DNAJA4: variants seen among roughly 807,000 people sequenced by gnomAD.
DNAJA4 encodes the protein dnaJ homolog subfamily A member 4.
In DNAJA4, 32 loss-of-function variants were observed where a neutral mutation model predicts 39.7. The observed-to-expected ratio is 0.81, with a 90% CI of 0.61 to 1.08. The LOEUF (loss-of-function observed/expected upper bound fraction) is 1.08. Among genes scored for constraint, DNAJA4 ranks in the 50% least tolerant of loss-of-function variants. The pLI, the probability that DNAJA4 is intolerant of heterozygous loss-of-function variation, is 0.00. For missense variants in DNAJA4, 439 were observed against 505.1 expected (o/e 0.87, Z 1.25); for synonymous variants, 184 against 182.4 (o/e 1.01, Z -0.07).
chr15:78,280,340 C>T lies in DNAJA4; in HGVS notation c.1074C>T (p.Asp358=). Residue 358 remains aspartate (D), a synonymous_variant, in exon 7 of 7, where the codon GAC becomes GAT. Transcript: ENST00000394852. ...PPRQKVRITD[D]MDQVELKEFC... ...GACAGAAAGTGAGGATTACAGATGA[C>T]ATGGATCAGGTGGAGCTGAAGGAGT... The T allele has an allele frequency of 6.2e-7, 1 of 1,614,198 alleles. No homozygotes were observed. The highest frequency in any genetic ancestry group is 1.7e-5 in the Admixed American group (1 of 60,026).
intron 5 of DNAJA4, chr15:78,277,720 G>T (rs545375594): frequency 9.4e-6 from 3 of 318,648 alleles, no homozygotes; most frequent in African/African-American, 6.5e-5. Flanking sequence ...GCCCCACCAA[G>T]AGCCAGCGTT....
chr15:78,265,435 A>T (rs2049094348), intron 1 of DNAJA4: 1 of 701,136 alleles, frequency 1.4e-6, no homozygotes, highest in African/African-American at 1.7e-5. Flanking sequence ...TGCCTACCTG[A>T]TAAAAGCGTC....
At chr15:78,267,743 C>T (rs996629650) in intron 1 of DNAJA4, among the ~76,000 whole-genome samples, 1 of 152,200 alleles carries the variant, frequency 6.6e-6, no homozygotes, top group Non-Finnish European at 1.5e-5. Context: ...TGCTTCTTTC[C>T]AAGCTTTCCC....
upstream of DNAJA4, chr15:78,264,197 A>C: frequency 1.5e-6 from 1 of 684,122 alleles, no homozygotes; most frequent in Non-Finnish European, 2.1e-6. Flanking sequence ...CAGGCCGCCT[A>C]CTCTCCAGCC....
rs1297195323 is a variant in DNAJA4 at position 78,274,221 on chromosome 15, TGGA to T, written c.445_447del (p.Glu149del). 2 of 1,613,818 alleles carry T rather than the reference TGGA, an allele frequency of 1.2e-6. No homozygotes were observed. The highest frequency in any genetic ancestry group is 1.3e-5 in the African/African-American group (1 of 74,924). ...GGTGTTGGTGGGAAGAAGGGATCGG[TGGA>T]GAAGTGCCCGCTGTGCAAGGGGCGG... On this transcript the variant is annotated inframe_deletion, in exon 4 of 7. Transcript: ENST00000394852.
chr15:78,265,569 A>G, intron 1 of DNAJA4: 1 of 702,396 alleles, frequency 1.4e-6, no homozygotes, highest in Non-Finnish European at 2.6e-6. Flanking sequence ...ATAAGTACCA[A>G]TCATAGACTG....
intron 1 of DNAJA4, among the ~76,000 whole-genome samples, chr15:78,269,767 C>T (rs1332510207): frequency 1.3e-5 from 2 of 150,796 alleles, no homozygotes; most frequent in African/African-American, 4.9e-5. Context: ...TCGTTTTTTT[C>T]TATCTTTTAA....
At position 78,281,547 on chromosome 15, in the gene DNAJA4, T is replaced by C. The variant is rs1279228250; in HGVS notation, c.*1087T>C. 5.9e-5 allele frequency: 9 copies of C among 152,382 alleles called. No individual in the cohort carries two copies. The highest frequency in any genetic ancestry group is 7.3e-5 in the Non-Finnish European group (5 of 68,038). The allele number at this position is 152,382 out of a possible 1,614,324, so 9.4% of individuals were successfully genotyped here. A position where few individuals can be genotyped will look rare whatever the true frequency, so the allele number is the denominator to read the frequency against. On this transcript the variant is annotated 3_prime_UTR_variant, in exon 7 of 7. Transcript: ENST00000394852. ...GTTCCACTGTGGATTACAGTTTGTATGGACTACTACTGTAAATTATAGCTT... is the reference window on the plus strand; with the variant it reads ...GTTCCACTGTGGATTACAGTTTGTACGGACTACTACTGTAAATTATAGCTT...
rs1229834980 is a variant in DNAJA4 at position 78,279,881 on chromosome 15, G to A, written c.878-164G>A. On this transcript the variant is annotated intron_variant, in intron 5 of 6. Transcript: ENST00000394852. This position sits in a 1 kb window ranked among gnomAD's most constrained non-coding sequence, Gnocchi z 4.5. ...TGAGCCCCTTCCCCAGGCAGTACCTGACAAGGATACCTGGGATTGGGGCCA... is the reference window on the plus strand; with the variant it reads ...TGAGCCCCTTCCCCAGGCAGTACCTAACAAGGATACCTGGGATTGGGGCCA... The A allele has an allele frequency of 3.1e-6, 2 of 640,400 alleles. No individual in the cohort carries two copies. The highest frequency in any genetic ancestry group is 2.7e-6 in the Non-Finnish European group (1 of 369,040). The allele number at this position is 640,400 out of a possible 1,614,324, so 39.7% of individuals were successfully genotyped here. A position where few individuals can be genotyped will look rare whatever the true frequency, so the allele number is the denominator to read the frequency against.
intron 1 of DNAJA4, chr15:78,265,885 C>T: frequency 1.7e-6 from 1 of 594,680 alleles, no homozygotes; most frequent in Admixed American, 3.0e-5. Flanking sequence ...CCTGTGGAAA[C>T]GACGCTGGAA....
At chr15:78,274,984 C>A (rs1173147005) in intron 4 of DNAJA4, 6 of 173,360 alleles carry the variant, frequency 3.5e-5, no homozygotes, top group South Asian at 1.4e-4. Context: ...GCTTTCCAAT[C>A]CAGTAAATAT....
At chr15:78,269,009 A>AG (rs2049221529) in intron 1 of DNAJA4, among the ~76,000 whole-genome samples, 1 of 152,176 alleles carries the variant, frequency 6.6e-6, no homozygotes, top group African/African-American at 2.4e-5. Context: ...ATGAGTCGGG[A>AG]GGCCGCACCA....
At chr15:78,265,551 A>T (rs1421332027) in intron 1 of DNAJA4, 5 of 702,394 alleles carry the variant, frequency 7.1e-6, no homozygotes, top group Non-Finnish European at 1.0e-5. Flanking sequence ...AGTGACACAC[A>T]GTTGATCATA....
chr15:78,273,317 A>G, intron 3 of DNAJA4, 118 bp downstream of exon 3: 1 of 701,008 alleles, frequency 1.4e-6, no homozygotes, highest in Non-Finnish European at 2.5e-6. Context: ...GGTCAAGCAG[A>G]GATTACAAAC....
rs780015959 is a variant in DNAJA4 at position 78,270,649 on chromosome 15, T to C, written c.285T>C (p.Gly95=). ...ACATCTTTGACATGTTCTTTGGTGG[T>C]GGTGGACGGATGGCTAGAGAGAGAA... ...PMDIFDMFFG[G]GGRMARERRG... Residue 95 remains glycine (G), a synonymous_variant, in exon 2 of 7, where the codon GGT becomes GGC. Transcript: ENST00000394852. The C allele has an allele frequency of 6.2e-7, 1 of 1,614,058 alleles. No homozygotes were observed. Among genetic ancestry groups the C allele is most frequent in the Admixed American group, 1.7e-5 (1 of 59,986 alleles).
At chr15:78,269,478 A>G (rs919584973) in intron 1 of DNAJA4, among the ~76,000 whole-genome samples, 7 of 151,364 alleles carry the variant, frequency 4.6e-5, no homozygotes, top group African/African-American at 1.2e-4. Flanking sequence ...CCAGTTATAA[A>G]TAAGTTGTCA....
rs1219102614 is a variant in DNAJA4 at position 78,281,506 on chromosome 15, G to GT, written c.*1047dup. On this transcript the variant is annotated 3_prime_UTR_variant, in exon 7 of 7. Transcript: ENST00000394852. ...GGTTTCCTGCTCAAGTGATGTTTTG[G>GT]TAAGAACTTCGCTGAGTTCCACTGT... 3.3e-5 allele frequency: 5 copies of GT among 152,348 alleles called. No homozygotes were observed. The highest frequency in any genetic ancestry group is 1.2e-4 in the African/African-American group (5 of 41,570). The allele number at this position is 152,348 out of a possible 1,614,324, so 9.4% of individuals were successfully genotyped here.
intron 5 of DNAJA4, 56 bp downstream of exon 5, chr15:78,275,784 T>A (rs1384473596): frequency 3.0e-5 from 40 of 1,313,910 alleles, no homozygotes; most frequent in Non-Finnish European, 4.2e-5. Flanking sequence ...ATAATAATTC[T>A]GGCAAGTTAG....
intron 1 of DNAJA4, among the ~76,000 whole-genome samples, chr15:78,267,188 G>GAGTA (rs1567115139): frequency 9.4e-6 from 1 of 106,742 alleles, no homozygotes; most frequent in African/African-American, 3.5e-5. Flanking sequence ...GTGAGTGTGT[G>GAGTA]TGTGAGTGTG....
Sources: allele counts gnomAD v4.1 joint callset (sites outside exome capture counted in the v4.1 genomes callset), GRCh38; gene constraint gnomAD v4.1.1; non-coding constraint Gnocchi (gnomAD v3.1); transcripts MANE v1.5; gene names NCBI Gene and HGNC (gene_info 2026-07-23, HGNC 2026-07-21).